Variants in TMEM39B observed in about 807,000 individuals in gnomAD.
TMEM39B encodes transmembrane protein 39B.
Under a neutral mutation model 52.2 loss-of-function variants are expected in TMEM39B, and 23 were observed. The ratio of observed to expected loss-of-function variants is 0.44; its 90% CI spans 0.32 to 0.62. TMEM39B has a LOEUF of 0.62. TMEM39B is among the 20% of genes least tolerant of loss of function. The pLI, the probability that TMEM39B is intolerant of heterozygous loss-of-function variation, is 0.06. For synonymous variants in TMEM39B, 285 were observed against 264.0 expected, an observed-to-expected ratio of 1.08 and a Z score of -0.77; for missense variants, 547 against 642.0, an observed-to-expected ratio of 0.85 and a Z score of 1.60.
chr1:32,102,698 C>T lies in TMEM39B; in HGVS notation c.*25C>T, dbSNP rs1414632715. 9.0e-6 allele frequency: 13 copies of T among 1,448,270 alleles called. No individual in the cohort carries two copies. Among genetic ancestry groups the T allele is most frequent in the South Asian group, 1.6e-5 (1 of 62,780 alleles). The allele number at this position is 1,448,270 out of a possible 1,614,324, so 89.7% of individuals were successfully genotyped here. A position where few individuals can be genotyped will look rare whatever the true frequency, so the allele number is the denominator to read the frequency against. On this transcript the variant is annotated 3_prime_UTR_variant, in exon 9 of 9. Transcript: ENST00000336294. The stretch of plus-strand genomic sequence containing the variant: ...AGCCCTGGGGTCACCTCAGGGACAG[C>T]GTCCAGGCTTCAGCCAAGGGCTCCC...
intron 5 of TMEM39B, among the ~76,000 whole-genome samples, chr1:32,083,773 G>A (rs1307297814): frequency 6.6e-6 from 1 of 152,072 alleles, no homozygotes; most frequent in Non-Finnish European, 1.5e-5. Flanking sequence ...GGAGGCTAAG[G>A]TATAAGAATC....
At chr1:32,099,285 A>C (rs2124502663) in intron 7 of TMEM39B, among the ~76,000 whole-genome samples, 1 of 150,974 alleles carries the variant, frequency 6.6e-6, no homozygotes, top group East Asian at 2.0e-4. Flanking sequence ...ACACTTGGAC[A>C]CAAGGTGGGG....
Position 32,091,665 on chromosome 1 carries a change from TC to T in TMEM39B, c.591-6del, listed in dbSNP as rs1400106140. ...GGCAGGCCTTCCCTCACCACCGTCT[TC>T]CCCAGCAGGTTTGGGATGTACATTC... On this transcript the variant is annotated splice_polypyrimidine_tract_variant and intron_variant, in intron 5 of 8. Coordinates refer to ENST00000336294, the MANE Select transcript of TMEM39B (RefSeq NM_018056.4). 6.3e-7 allele frequency: 1 copy of T among 1,576,806 alleles called. No homozygotes were observed. The highest frequency in any genetic ancestry group is 8.6e-7 in the Non-Finnish European group (1 of 1,157,654).
intron 5 of TMEM39B, among the ~76,000 whole-genome samples, chr1:32,088,447 C>T (rs1306668067): frequency 6.6e-6 from 1 of 151,948 alleles, no homozygotes; most frequent in African/African-American, 2.4e-5. Flanking sequence ...TTATGTGACT[C>T]ATCTTTCTGT....
At chr1:32,083,757 T>C (rs747344198) in intron 5 of TMEM39B, among the ~76,000 whole-genome samples, 5 of 152,116 alleles carry the variant, frequency 3.3e-5, no homozygotes, top group Non-Finnish European at 7.4e-5. Context: ...TACTCCCAGC[T>C]ACTCAGGAGG....
In TMEM39B at chr1:32,102,754, T is replaced by TG. The variant is rs1283678230; in HGVS notation, c.*88dup. 25 of 1,378,676 alleles carry TG rather than the reference T, an allele frequency of 1.8e-5. No homozygotes were observed. Among genetic ancestry groups the TG allele is most frequent in the Middle Eastern group, 1.9e-4 (1 of 5,156 alleles). The allele number at this position is 1,378,676 out of a possible 1,614,324, so 85.4% of individuals were successfully genotyped here. A position where few individuals can be genotyped will look rare whatever the true frequency, so the allele number is the denominator to read the frequency against. On this transcript the variant is annotated 3_prime_UTR_variant, in exon 9 of 9. Transcript: ENST00000336294. ...AGGGGCTGTTGGGTAGAAGTGGTGG[T>TG]GGGGGGGACAAAAGACAAAAAAATC...
chr1:32,089,257 A>G (rs1640506313), intron 5 of TMEM39B, among the ~76,000 whole-genome samples: 1 of 147,676 alleles, frequency 6.8e-6, no homozygotes, highest in South Asian at 2.2e-4. Flanking sequence ...TCCCACCTCC[A>G]CCTCCCAAAT....
chr1:32,074,157 T>C (rs953092945), intron 1 of TMEM39B, among the ~76,000 whole-genome samples: 10 of 152,036 alleles, frequency 6.6e-5, no homozygotes, highest in African/African-American at 2.4e-4. Flanking sequence ...AATTTTTCAG[T>C]CCACAGCCAC....
intron 5 of TMEM39B, among the ~76,000 whole-genome samples, chr1:32,088,158 C>G (rs1273326352): frequency 7.1e-6 from 1 of 140,298 alleles, no homozygotes; most frequent in Non-Finnish European, 1.5e-5. Flanking sequence ...TGGCTCATGC[C>G]TGTAATCCCA....
At chr1:32,077,141 C>A in intron 4 of TMEM39B, 23 bp from the exon 5 acceptor site, 1 of 1,613,226 alleles carries the variant, frequency 6.2e-7, no homozygotes, top group Non-Finnish European at 8.5e-7. Context: ...GGCCCCATCC[C>A]GTCCTATCTT....
intron 5 of TMEM39B, among the ~76,000 whole-genome samples, 169 bp from the exon 6 acceptor site, chr1:32,091,506 T>A (rs375070300): frequency 1.3e-5 from 2 of 152,102 alleles, no homozygotes; most frequent in African/African-American, 4.8e-5. Context: ...GTGTGCTGAG[T>A]GACTGGCCAT....
At chr1:32,092,367 A>G (rs1475040418) in intron 6 of TMEM39B, among the ~76,000 whole-genome samples, 3 of 152,164 alleles carry the variant, frequency 2.0e-5, no homozygotes, top group African/African-American at 7.2e-5. Flanking sequence ...ATGCTGCCCA[A>G]GCTGGTCTCA....
At chr1:32,099,124 G>A (rs1160864773) in intron 7 of TMEM39B, among the ~76,000 whole-genome samples, 2 of 151,770 alleles carry the variant, frequency 1.3e-5, no homozygotes, top group Non-Finnish European at 2.9e-5. Flanking sequence ...GTGGTGGCAG[G>A]TGCCTATAGT....
Position 32,094,715 on chromosome 1 carries a change from A to G in TMEM39B, c.928-69A>G, listed in dbSNP as rs151220578. 278 of 1,557,910 alleles carry G rather than the reference A, an allele frequency of 1.8e-4. 1 individual carries two copies. The African/African-American group carries it at 3.5e-3, about 20-fold the overall frequency. On this transcript the variant is annotated intron_variant, in intron 6 of 8. Transcript: ENST00000336294. ...TGTCCTAACCTCTCAGTCAGGTAGA[A>G]TCAGGGAAGGAAAGGGAATGAGGCC...
Position 32,076,822 on chromosome 1 carries a change from C to T in TMEM39B, c.411C>T (p.Arg137=). The T allele has an allele frequency of 1.2e-6, 2 of 1,614,116 alleles. No individual in the cohort carries two copies. Among genetic ancestry groups the T allele is most frequent in the Non-Finnish European group, 1.7e-6 (2 of 1,180,018 alleles). Residue 137 remains arginine (R), a synonymous_variant, in exon 4 of 9, where the codon CGC becomes CGT. Transcript: ENST00000336294. ...TGACCACCATCGTTCTGGGCCGCCG[C>T]TTCATTGGGTCCATCGTGAAGGAGG... The part of the protein sequence containing the change: ...LMVTTIVLGR[R]FIGSIVKEAS...
chr1:32,077,634 C>T (rs950432652), intron 5 of TMEM39B, among the ~76,000 whole-genome samples: 1 of 152,132 alleles, frequency 6.6e-6, no homozygotes, highest in Admixed American at 6.5e-5. Flanking sequence ...CTTCCTTTCC[C>T]CTCCCTCTGG....
At chr1:32,092,749 C>T (rs966402208) in intron 6 of TMEM39B, among the ~76,000 whole-genome samples, 1 of 152,108 alleles carries the variant, frequency 6.6e-6, no homozygotes, top group Non-Finnish European at 1.5e-5. Flanking sequence ...CCTTGGCCTC[C>T]CAAAGTGTTG....
intron 5 of TMEM39B, among the ~76,000 whole-genome samples, chr1:32,087,232 C>G (rs551841535): frequency 6.7e-6 from 1 of 149,474 alleles, no homozygotes; most frequent in African/African-American, 2.5e-5. Flanking sequence ...GCAGGAGAAT[C>G]TCTTGAACCC....
At position 32,076,754 on chromosome 1, in the gene TMEM39B, C is replaced by A; in HGVS notation, c.352-9C>A. The A allele has an allele frequency of 1.2e-6, 2 of 1,613,936 alleles. No homozygotes were observed. Among genetic ancestry groups the A allele is most frequent in the Non-Finnish European group, 1.7e-6 (2 of 1,179,952 alleles). On this transcript the variant is annotated splice_polypyrimidine_tract_variant and intron_variant, in intron 3 of 8. Transcript: ENST00000336294. Reference sequence around the variant, plus strand: ...CCCACATGACCCCCAGGCCTCTGCCCCCTGACAGAACTTCCATCTGATCGA... The same window carrying A: ...CCCACATGACCCCCAGGCCTCTGCCACCTGACAGAACTTCCATCTGATCGA...
Sources: gnomAD v4.1 joint callset for allele counts (sites outside exome capture counted in the v4.1 genomes callset) on GRCh38, gnomAD v4.1.1 for gene constraint, MANE v1.5 for transcripts, NCBI Gene and HGNC (gene_info 2026-07-23, HGNC 2026-07-21) for gene names.